Variants in KCNQ2 observed in about 807,000 individuals in gnomAD.
KCNQ2 encodes potassium voltage-gated channel subfamily KQT member 2.
A neutral mutation model predicts 84.8 loss-of-function variants in KCNQ2; 14 were observed. That is an observed-to-expected ratio of 0.17 (90% CI 0.11 to 0.26). The LOEUF (loss-of-function observed/expected upper bound fraction) is 0.26, where lower values mean the gene tolerates loss of function less well. Among genes scored for constraint, KCNQ2 ranks in the 10% least tolerant of loss-of-function variants. The pLI is 1.00. For synonymous variants in KCNQ2, 599 were observed against 554.1 expected (o/e 1.08, Z -1.14); for missense variants, 788 against 1,254.0 (o/e 0.63, Z 5.61).
chr20:63,448,906 G>A (rs2081519521), intron 1 of KCNQ2, among the ~76,000 whole-genome samples: 1 of 152,152 alleles, frequency 6.6e-6, no homozygotes, highest in Non-Finnish European at 1.5e-5. Flanking sequence ...CACCTGTCTA[G>A]ACCCACCCCT....
chr20:63,472,649 G>T lies in KCNQ2; in HGVS notation c.-186C>A, dbSNP rs2082247522. ...GGCCACCTCGCTCCGCGCGCACCTC[G>T]GCGCCTGGCCCGCGGCCGCGCCGGC... On this transcript the variant is annotated 5_prime_UTR_variant, in exon 1 of 17. Transcript: ENST00000359125. 8.9e-6 allele frequency: 2 copies of T among 225,818 alleles called. No homozygotes were observed. Among genetic ancestry groups the T allele is most frequent in the South Asian group, 1.6e-4 (1 of 6,298 alleles). 14.0% of individuals were successfully genotyped at this position (225,818 alleles called of 1,614,324 possible). A position where few individuals can be genotyped will look rare whatever the true frequency, so the allele number is the denominator to read the frequency against.
intron 12 of KCNQ2, among the ~76,000 whole-genome samples, chr20:63,419,384 G>A (rs919035150): frequency 6.6e-6 from 1 of 152,228 alleles, no homozygotes; most frequent in African/African-American, 2.4e-5. Context: ...CCCTCTGGCT[G>A]TGCGCAGGAC....
chr20:63,442,258 T>C (rs1600765606), intron 5 of KCNQ2, 148 bp downstream of exon 5: 242 of 411,498 alleles, frequency 5.9e-4, no homozygotes, highest in South Asian at 2.1e-3. Flanking sequence ...CCACCCCGCC[T>C]CGACCACAAG....
intron 7 of KCNQ2, among the ~76,000 whole-genome samples, chr20:63,435,520 T>C (rs1294396803): frequency 6.6e-6 from 1 of 152,224 alleles, no homozygotes; most frequent in Non-Finnish European, 1.5e-5. Flanking sequence ...AGTGGTTTCT[T>C]GGGATGGACG....
chr20:63,445,876 G>A (rs74179808), intron 2 of KCNQ2, among the ~76,000 whole-genome samples: 5 of 35,670 alleles, frequency 1.4e-4, no homozygotes, highest in South Asian at 9.9e-4. Flanking sequence ...CTGAGCTGGG[G>A]GACCCTGTCT....
intron 10 of KCNQ2, chr20:63,424,492 A>T (rs572079756): frequency 2.1e-5 from 11 of 525,840 alleles, no homozygotes; most frequent in Middle Eastern, 4.9e-4. Context: ...CCACATTTAC[A>T]GACACTCATT....
At chr20:63,436,326 T>C (rs1316387854) in intron 7 of KCNQ2, among the ~76,000 whole-genome samples, 1 of 152,126 alleles carries the variant, frequency 6.6e-6, no homozygotes, top group Non-Finnish European at 1.5e-5. Flanking sequence ...AGTCAGGAGA[T>C]CGAGACCATC....
chr20:63,431,754 C>T (rs13042144), intron 8 of KCNQ2, among the ~76,000 whole-genome samples: 8,410 of 152,258 alleles, frequency 0.055, 317 homozygotes, highest in Non-Finnish European at 0.09. Context: ...TGAGGACTGC[C>T]GCGGGTCTGT....
intron 15 of KCNQ2, chr20:63,412,061 C>T (rs2080136315): frequency 1.8e-6 from 1 of 561,112 alleles, no homozygotes; most frequent in African/African-American, 2.0e-5. Context: ...CAAGTCCTTC[C>T]CGTGTTTCAA....
rs1008578964 is a variant in KCNQ2 at position 63,446,398 on chromosome 20, G to A, written c.387+349C>T. Reference sequence around the variant, plus strand: ...TCACAGCCCCCACCCCGACGCCCACGTCTGCCGTCTGCTGGGGACGCCCCA... The same window carrying A: ...TCACAGCCCCCACCCCGACGCCCACATCTGCCGTCTGCTGGGGACGCCCCA... On this transcript the variant is annotated intron_variant, in intron 2 of 16. Transcript: ENST00000359125. This position sits in a 1 kb window ranked among gnomAD's most constrained non-coding sequence, Gnocchi z 5.5. 1.3e-5 allele frequency among the ~76,000 whole-genome samples: 2 copies of A among 152,180 alleles called. No homozygotes were observed. The highest frequency in any genetic ancestry group is 2.9e-5 in the Non-Finnish European group (2 of 68,026).
intron 7 of KCNQ2, among the ~76,000 whole-genome samples, chr20:63,436,631 T>C (rs1444870001): frequency 6.6e-6 from 1 of 152,132 alleles, no homozygotes; most frequent in East Asian, 1.9e-4. Context: ...AGCACAAAGA[T>C]TGCAACTCGC....
chr20:63,442,262 C>T lies in KCNQ2; in HGVS notation c.816+144G>A, dbSNP rs1358460257. The T allele has an allele frequency of 4.3e-6, 5 of 1,152,584 alleles. No individual in the cohort carries two copies. In the East Asian group the frequency reaches 1.3e-4, roughly 30 times the overall value. 71.4% of individuals were successfully genotyped at this position (1,152,584 alleles called of 1,614,324 possible). On this transcript the variant is annotated intron_variant, in intron 5 of 16. Transcript: ENST00000359125. ...CTTGGCAACCACCACCCCGCCTCGA[C>T]CACAAGCCATCATGACCACGGGCAG...
At chr20:63,419,534 TG>T in intron 12 of KCNQ2, 84 bp downstream of exon 12, 1 of 1,402,490 alleles carries the variant, frequency 7.1e-7, no homozygotes, top group Non-Finnish European at 9.9e-7. Flanking sequence ...AGCCTCCCCC[TG>T]GCTCCTCCAG....
chr20:63,431,625 G>A (rs1398560644), intron 8 of KCNQ2, among the ~76,000 whole-genome samples: 1 of 152,092 alleles, frequency 6.6e-6, no homozygotes, highest in Non-Finnish European at 1.5e-5. Flanking sequence ...GAGGTGCAGG[G>A]GGGATGGTGC....
intron 1 of KCNQ2, among the ~76,000 whole-genome samples, chr20:63,466,029 G>A (rs1026762599): frequency 7.9e-5 from 12 of 152,170 alleles, no homozygotes; most frequent in African/African-American, 2.7e-4. Flanking sequence ...AGCTTAAGGG[G>A]TTCCCTGGTA....
intron 1 of KCNQ2, among the ~76,000 whole-genome samples, chr20:63,457,962 C>G (rs1455396591): frequency 6.6e-6 from 1 of 152,180 alleles, no homozygotes. Flanking sequence ...CTCCGCAGGG[C>G]TCATTTGTTC....
intron 7 of KCNQ2, chr20:63,437,382 T>G (rs2081039185): frequency 6.6e-6 from 1 of 152,284 alleles, no homozygotes; most frequent in Non-Finnish European, 1.5e-5. Flanking sequence ...GGGGGCATTT[T>G]GGTTCTTCTT....
intron 8 of KCNQ2, 66 bp downstream of exon 8, chr20:63,433,743 G>C: frequency 6.2e-7 from 1 of 1,612,522 alleles, no homozygotes; most frequent in Non-Finnish European, 8.5e-7. Context: ...AAAAAGTGGG[G>C]TTTAAGAACA....
intron 1 of KCNQ2, among the ~76,000 whole-genome samples, chr20:63,453,231 G>A (rs1600822318): frequency 6.6e-6 from 1 of 152,240 alleles, no homozygotes; most frequent in African/African-American, 2.4e-5. Context: ...CGAAGGCACT[G>A]GCCCTGAGGC....
Sources: allele counts gnomAD v4.1 joint callset (sites outside exome capture counted in the v4.1 genomes callset), GRCh38; gene constraint gnomAD v4.1.1; non-coding constraint Gnocchi (gnomAD v3.1); transcripts MANE v1.5; gene names NCBI Gene and HGNC (gene_info 2026-07-23, HGNC 2026-07-21).